The following TMPRSS11F variants were observed in gnomAD, a reference collection of about 807,000 sequenced individuals.
TMPRSS11F encodes the protein transmembrane protease serine 11F.
A neutral mutation model predicts 60.2 loss-of-function variants in TMPRSS11F; 47 were observed. That is an observed-to-expected ratio of 0.78 (90% CI 0.62 to 1.00). TMPRSS11F has a LOEUF of 1.00. Ranked by LOEUF, TMPRSS11F falls within the 50% of genes least tolerant of loss-of-function variation. The probability of loss-of-function intolerance (pLI) is 0.00; values close to 1 mark genes in which losing one functional copy is unlikely to be tolerated. For synonymous variants in TMPRSS11F, 166 were observed against 167.3 expected, an observed-to-expected ratio of 0.99 and a Z score of 0.06; for missense variants, 519 against 522.9, an observed-to-expected ratio of 0.99 and a Z score of 0.07.
At chr4:68,096,801 C>T (rs1031585010) in intron 2 of TMPRSS11F, among the ~76,000 whole-genome samples, 3 of 152,094 alleles carry the variant, frequency 2.0e-5, no homozygotes, top group African/African-American at 7.2e-5. Flanking sequence ...CTGCTGAAAT[C>T]CTTATTTCTA....
chr4:68,083,872 G>A (rs1361086205), intron 3 of TMPRSS11F, among the ~76,000 whole-genome samples: 2 of 152,174 alleles, frequency 1.3e-5, no homozygotes, highest in Admixed American at 6.5e-5. Context: ...TGTAGAATCC[G>A]GATAGCAAGG....
intron 1 of TMPRSS11F, among the ~76,000 whole-genome samples, chr4:68,115,093 T>C (rs1724488518): frequency 6.6e-6 from 1 of 150,724 alleles, no homozygotes; most frequent in South Asian, 2.1e-4. Context: ...CTCACGCCTG[T>C]AATCCCAGCA....
intron 5 of TMPRSS11F, among the ~76,000 whole-genome samples, chr4:68,070,617 C>A (rs1257825221): frequency 6.6e-6 from 1 of 152,218 alleles, no homozygotes; most frequent in Non-Finnish European, 1.5e-5. Context: ...CACATACAAC[C>A]AGTCCAGAGA....
chr4:68,090,442 A>G (rs1723901563), intron 3 of TMPRSS11F, 81 bp downstream of exon 3: 1 of 1,471,784 alleles, frequency 6.8e-7, no homozygotes, highest in Non-Finnish European at 9.0e-7. Flanking sequence ...AGAAATTGAG[A>G]CTAAGTTCCT....
chr4:68,084,917 A>C (rs1478293761), intron 3 of TMPRSS11F, among the ~76,000 whole-genome samples: 1 of 131,452 alleles, frequency 7.6e-6, no homozygotes, highest in African/African-American at 2.9e-5. Flanking sequence ...CCAGAGTGTG[A>C]TATTCCCCTT....
chr4:68,062,501 G>A (rs771119477), intron 8 of TMPRSS11F: 1 of 708,302 alleles, frequency 1.4e-6, no homozygotes, highest in Admixed American at 1.8e-5. Flanking sequence ...GTTGTAATTA[G>A]AAATATGCTG....
At chr4:68,102,984 G>GTT (rs55755444) in intron 1 of TMPRSS11F, among the ~76,000 whole-genome samples, 4,472 of 138,090 alleles carry the variant, frequency 0.032, 131 homozygotes, top group African/African-American at 0.073. Context: ...ATTTTGAGTT[G>GTT]TTTTTTTTTT....
intron 7 of TMPRSS11F, among the ~76,000 whole-genome samples, chr4:68,065,434 C>T (rs944454566): frequency 1.1e-4 from 16 of 152,168 alleles, no homozygotes; most frequent in Non-Finnish European, 1.9e-4. Context: ...CCATATCCCT[C>T]CTTGATATAC....
chr4:68,093,274 G>GA (rs1723982946), intron 2 of TMPRSS11F, among the ~76,000 whole-genome samples: 1 of 152,174 alleles, frequency 6.6e-6, no homozygotes, highest in African/African-American at 2.4e-5. Context: ...TAAGAGTACT[G>GA]AAGCTTAGTG....
rs764183886 is a variant in TMPRSS11F, at chr4:68,072,443, G to T, written c.394C>A (p.Arg132=). ...GVDILIVLIF[R]YPSTDSAEQI... ...TCAGCACTATCAGTAGATGGGTATC[G>T]AAATATGAGCACTATAAGAATATCC... is the stretch of plus-strand genomic sequence containing the variant. Residue 132 remains arginine, a synonymous_variant, in exon 5 of 10, where the codon CGA becomes AGA. Coordinates refer to ENST00000356291, the MANE Select transcript of TMPRSS11F (RefSeq NM_207407.2). The T allele has an allele frequency of 6.3e-7, 1 of 1,580,894 alleles. No homozygotes were observed. The highest frequency in any genetic ancestry group is 1.7e-5 in the Admixed American group (1 of 58,762).
intron 3 of TMPRSS11F, among the ~76,000 whole-genome samples, chr4:68,085,607 A>C (rs1723795602): frequency 6.6e-6 from 1 of 152,196 alleles, no homozygotes; most frequent in Non-Finnish European, 1.5e-5. Context: ...TAAATGTCCC[A>C]TTTAAAAGGC....
chr4:68,123,183 A>G (rs180989364), intron 1 of TMPRSS11F, among the ~76,000 whole-genome samples: 43 of 152,368 alleles, frequency 2.8e-4, no homozygotes, highest in African/African-American at 1.0e-3. Context: ...CTAAGCAGCT[A>G]AATGAATTAA....
intron 3 of TMPRSS11F, among the ~76,000 whole-genome samples, chr4:68,081,572 C>A (rs866963923): frequency 6.6e-6 from 1 of 152,176 alleles, no homozygotes; most frequent in Non-Finnish European, 1.5e-5. Context: ...AGTATTCCTG[C>A]ATTCCATTTA....
Position 68,090,459 on chromosome 4 carries a change from C to T in TMPRSS11F, c.282+64G>A. The T allele has an allele frequency of 1.1e-5, 16 of 1,504,032 alleles. No individual in the cohort carries two copies. In the South Asian group the frequency reaches 1.8e-4, roughly 17 times the overall value. 93.2% of individuals were successfully genotyped at this position (1,504,032 alleles called of 1,614,324 possible). A position where few individuals can be genotyped will look rare whatever the true frequency, so the allele number is the denominator to read the frequency against. ...AAATTGAGACTAAGTTCCTATATAA[C>T]ACCCACATTCAAAGTGATGCAAAAG... On this transcript the variant is annotated intron_variant, in intron 3 of 9. Transcript: ENST00000356291.
intron 3 of TMPRSS11F, among the ~76,000 whole-genome samples, chr4:68,078,496 G>C (rs920297): frequency 0.036 from 5,427 of 152,230 alleles, 273 homozygotes; most frequent in African/African-American, 0.11. Flanking sequence ...TATGAACTGT[G>C]GTAAGGCAGG....
intron 1 of TMPRSS11F, among the ~76,000 whole-genome samples, chr4:68,112,340 T>C (rs1724423841): frequency 6.6e-6 from 1 of 152,104 alleles, no homozygotes; most frequent in Non-Finnish European, 1.5e-5. Flanking sequence ...CCCTTCAAGA[T>C]CCAGCTTAAA....
In TMPRSS11F at chr4:68,117,292, C is replaced by A. The variant is rs557551703; in HGVS notation, c.11+12518G>T. On this transcript the variant is annotated intron_variant, in intron 1 of 9. Transcript: ENST00000356291. ...ACCATCCAGGCTAACACGGTGAAACCCCGTCTCTACTAAAAATACAGAAAA... is the reference window on the plus strand; with the variant it reads ...ACCATCCAGGCTAACACGGTGAAACACCGTCTCTACTAAAAATACAGAAAA... Among the ~76,000 whole-genome samples the A allele has an allele frequency of 6.6e-5, 10 of 151,586 alleles. 2 individuals are homozygous for A. The highest frequency in any genetic ancestry group is 2.4e-4 in the African/African-American group (10 of 41,336).
Position 68,064,837 on chromosome 4 carries a change from T to C in TMPRSS11F, c.863A>G (p.Glu288Gly). Reference protein sequence around the residue: ...KIILHENYHRETNENDIALVQ... With the variant: ...KIILHENYHRGTNENDIALVQ... Reference sequence around the variant, plus strand: ...CAAAGCAATGTCATTTTCATTTGTTTCTCTATGGTAATTCTCATGAAGAAT... The same window carrying C: ...CAAAGCAATGTCATTTTCATTTGTTCCTCTATGGTAATTCTCATGAAGAAT... The change falls in exon 8 of 10, where the codon GAA becomes GGA. Residue 288 changes from glutamate to glycine, a missense_variant. By Grantham distance (98) the Glu-to-Gly change is moderately conservative. Transcript: ENST00000356291. 6 of 1,614,184 alleles carry C rather than the reference T, an allele frequency of 3.7e-6. No individual in the cohort carries two copies. The highest frequency in any genetic ancestry group is 5.1e-6 in the Non-Finnish European group (6 of 1,180,024).
At chr4:68,084,542 A>G (rs115730042) in intron 3 of TMPRSS11F, among the ~76,000 whole-genome samples, 4 of 152,154 alleles carry the variant, frequency 2.6e-5, no homozygotes, top group African/African-American at 9.7e-5. Flanking sequence ...CCTACCAAGA[A>G]CTTCATTCCC....
Sources: allele counts gnomAD v4.1 joint callset (sites outside exome capture counted in the v4.1 genomes callset), GRCh38; gene constraint gnomAD v4.1.1; transcripts MANE v1.5; gene names NCBI Gene and HGNC (gene_info 2026-07-23, HGNC 2026-07-21).